Variants in SYNDIG1 observed in about 807,000 individuals in gnomAD.
SYNDIG1 encodes synapse differentiation inducing 1, also known as synapse differentiation-inducing gene protein 1.
A neutral mutation model predicts 19.4 loss-of-function variants in SYNDIG1; 9 were observed. That is an observed-to-expected ratio of 0.46 (90% confidence interval 0.28 to 0.81). The LOEUF (loss-of-function observed/expected upper bound fraction) is 0.81, where lower values mean the gene tolerates loss of function less well. Ranked by LOEUF, SYNDIG1 falls within the 30% of genes least tolerant of loss-of-function variation. SYNDIG1 has a pLI of 0.12. For synonymous variants in SYNDIG1, 141 were observed against 145.9 expected (o/e 0.97, Z 0.24); for missense variants, 311 against 343.3 (o/e 0.91, Z 0.74).
intron 1 of SYNDIG1, among the ~76,000 whole-genome samples, chr20:24,504,387 G>A (rs1417980073): frequency 6.6e-6 from 1 of 152,162 alleles, no homozygotes; most frequent in African/African-American, 2.4e-5. Context: ...GAGACCCTAT[G>A]CGTAGCAAAA....
In SYNDIG1 at chr20:24,665,331, T is replaced by G. The variant is rs1009449793; in HGVS notation, c.619-15T>G. ...TTGCTTACAATGACTTCCTTTTTCT[T>G]CTCCAACTCTGCAGACCAACAAAGC... On this transcript the variant is annotated splice_polypyrimidine_tract_variant and intron_variant, in intron 3 of 3. Transcript: ENST00000376862. 4 of 1,585,806 alleles carry G rather than the reference T, an allele frequency of 2.5e-6. No homozygotes were observed. The highest frequency in any genetic ancestry group is 1.4e-5 in the African/African-American group (1 of 73,154).
intron 3 of SYNDIG1, among the ~76,000 whole-genome samples, chr20:24,592,934 AG>A (rs1309659848): frequency 2.6e-5 from 4 of 152,182 alleles, no homozygotes; most frequent in African/African-American, 9.7e-5. Context: ...TAATATGGAA[AG>A]AACAAGTTGA....
intron 1 of SYNDIG1, among the ~76,000 whole-genome samples, chr20:24,542,188 A>G (rs114864405): frequency 0.023 from 3,533 of 152,294 alleles, 153 homozygotes; most frequent in African/African-American, 0.08. Flanking sequence ...CAATAAGAAA[A>G]AAAAGTTGTT....
intron 1 of SYNDIG1, among the ~76,000 whole-genome samples, chr20:24,470,613 A>G (rs555814763): frequency 6.6e-6 from 1 of 152,208 alleles, no homozygotes; most frequent in South Asian, 2.1e-4. Flanking sequence ...TCACTGGATG[A>G]GTTGGGCACT....
intron 3 of SYNDIG1, among the ~76,000 whole-genome samples, chr20:24,623,407 C>T (rs566642617): frequency 2.8e-4 from 42 of 152,162 alleles, no homozygotes; most frequent in Middle Eastern, 3.4e-3. Flanking sequence ...CAAGGAAATT[C>T]TTCAAACAGA....
chr20:24,478,961 G>A (rs1045564091), intron 1 of SYNDIG1, among the ~76,000 whole-genome samples: 3 of 152,178 alleles, frequency 2.0e-5, no homozygotes, highest in Non-Finnish European at 4.4e-5. Flanking sequence ...TTCTTGTCTC[G>A]CTCTCAGCAT....
chr20:24,619,515 T>C, intron 3 of SYNDIG1, among the ~76,000 whole-genome samples: 1 of 152,256 alleles, frequency 6.6e-6, no homozygotes, highest in East Asian at 1.9e-4. Flanking sequence ...TCTGCCATCC[T>C]CATGTTCCTG....
chr20:24,572,254 GA>G (rs1320065436), intron 2 of SYNDIG1, among the ~76,000 whole-genome samples: 2 of 152,206 alleles, frequency 1.3e-5, no homozygotes, highest in Non-Finnish European at 2.9e-5. Context: ...CTTTAGTTTG[GA>G]AAATACTCAA....
intron 3 of SYNDIG1, among the ~76,000 whole-genome samples, chr20:24,589,150 T>C (rs1027112772): frequency 2.0e-5 from 3 of 152,190 alleles, no homozygotes; most frequent in Non-Finnish European, 4.4e-5. Context: ...ATACTGAGGA[T>C]AGACATGAAT....
At chr20:24,565,932 TTG>T (rs369432157) in intron 2 of SYNDIG1, among the ~76,000 whole-genome samples, 5 of 150,484 alleles carry the variant, frequency 3.3e-5, no homozygotes, top group Middle Eastern at 3.2e-3. Context: ...ATGCCATTAT[TTG>T]TGTGTGTGTG....
At chr20:24,517,041 T>C (rs931981517) in intron 1 of SYNDIG1, among the ~76,000 whole-genome samples, 6 of 152,164 alleles carry the variant, frequency 3.9e-5, no homozygotes, top group African/African-American at 1.4e-4. Flanking sequence ...CTCAGCAAAC[T>C]ATCGCAAGAA....
At chr20:24,574,286 T>C (rs2058192010) in intron 2 of SYNDIG1, among the ~76,000 whole-genome samples, 1 of 150,354 alleles carries the variant, frequency 6.7e-6, no homozygotes, top group Non-Finnish European at 1.5e-5. Flanking sequence ...GAGACCAGCC[T>C]GGGCAACACA....
At chr20:24,578,148 A>G (rs1301191871) in intron 2 of SYNDIG1, among the ~76,000 whole-genome samples, 1 of 152,192 alleles carries the variant, frequency 6.6e-6, no homozygotes, top group Non-Finnish European at 1.5e-5. Context: ...TGGTGCTTAG[A>G]GGAAGGGAGT....
At chr20:24,574,606 T>TTCTCAG (rs1166695905) in intron 2 of SYNDIG1, among the ~76,000 whole-genome samples, 3 of 152,042 alleles carry the variant, frequency 2.0e-5, no homozygotes, top group African/African-American at 7.2e-5. Context: ...GCCTGATGGG[T>TTCTCAG]GAACTCAATG....
intron 3 of SYNDIG1, among the ~76,000 whole-genome samples, chr20:24,611,086 T>C (rs1207518192): frequency 2.0e-5 from 3 of 152,162 alleles, no homozygotes; most frequent in African/African-American, 7.2e-5. Flanking sequence ...GTTCGCCTTA[T>C]TTCTGCTGCT....
At chr20:24,553,570 C>T (rs907075998) in intron 2 of SYNDIG1, among the ~76,000 whole-genome samples, 13 of 152,224 alleles carry the variant, frequency 8.5e-5, no homozygotes, top group African/African-American at 3.1e-4. Context: ...AATAGGAAAT[C>T]CTTCCCCATT....
intron 2 of SYNDIG1, among the ~76,000 whole-genome samples, chr20:24,563,343 A>G (rs2057980822): frequency 6.6e-6 from 1 of 152,136 alleles, no homozygotes; most frequent in Admixed American, 6.5e-5. Context: ...GATCCTCCCA[A>G]TCTTAAAACT....
intron 3 of SYNDIG1, among the ~76,000 whole-genome samples, chr20:24,622,570 A>T (rs2059055762): frequency 6.6e-6 from 1 of 152,208 alleles, no homozygotes; most frequent in Admixed American, 6.5e-5. Context: ...CCGTATTATG[A>T]ACTGCACATG....
In SYNDIG1 at chr20:24,530,707, G is replaced by T. The variant is rs370233773; in HGVS notation, c.-78-12313G>T. On this transcript the variant is annotated intron_variant, in intron 1 of 3. Transcript: ENST00000376862. ...CTTGACAAATTGAGCTGTATAAGAA[G>T]GGTCAGGAGCAGCCATACCTGTCAA... 4.3e-4 allele frequency among the ~76,000 whole-genome samples: 66 copies of T among 152,288 alleles called. No individual in the cohort carries two copies. In the South Asian group the frequency reaches 0.011, roughly 25 times the overall value.
Sources: gnomAD v4.1 joint callset for allele counts (sites outside exome capture counted in the v4.1 genomes callset) on GRCh38, gnomAD v4.1.1 for gene constraint, MANE v1.5 for transcripts, NCBI Gene and HGNC (gene_info 2026-07-23, HGNC 2026-07-21) for gene names.